Variants in MAJIN observed in about 807,000 individuals in gnomAD.
MAJIN encodes membrane anchored junction protein, also known as membrane-anchored junction protein.
A neutral mutation model predicts 30.2 loss-of-function variants in MAJIN; 27 were observed. The observed-to-expected ratio is 0.89, with a 90% confidence interval of 0.66 to 1.23. The LOEUF (loss-of-function observed/expected upper bound fraction) is 1.23. MAJIN is among the 50% of genes most tolerant of loss of function. The pLI is 0.00. For synonymous variants in MAJIN, 78 were observed against 91.6 expected, an observed-to-expected ratio of 0.85 and a Z score of 0.85; for missense variants, 253 against 260.3, an observed-to-expected ratio of 0.97 and a Z score of 0.19.
intron 4 of MAJIN, 89 bp from the exon 5 acceptor site, chr11:64,950,519 C>T: frequency 2.7e-6 from 3 of 1,105,864 alleles, no homozygotes; most frequent in Non-Finnish European, 2.7e-6. Flanking sequence ...ATACCCTATA[C>T]ACTATCAAAA....
rs199543273 is a variant in MAJIN at position 64,950,424 on chromosome 11, C to G, written c.154G>C (p.Val52Leu). 2 of 1,612,508 alleles carry G rather than the reference C, an allele frequency of 1.2e-6. No individual in the cohort carries two copies. Among genetic ancestry groups the G allele is most frequent in the Admixed American group, 3.3e-5 (2 of 59,898 alleles). The change falls in exon 5 of 11, where the codon GTC becomes CTC. Residue 52 changes from valine (V) to leucine (L), a missense_variant. By Grantham distance (32) the Val-to-Leu change is conservative. Coordinates refer to ENST00000301896, the MANE Select transcript of MAJIN (RefSeq NM_001037225.3). ...EVITQELEDS[V>L]RVVLGNLDNL... ...TCCAAGTTTCCCAAGACCACGCGGA[C>G]AGAATCCTGAAAAACATATTTGAAA...
chr11:64,958,598 GAAA>G (rs202169389), intron 3 of MAJIN, among the ~76,000 whole-genome samples: 2 of 102,550 alleles, frequency 2.0e-5, no homozygotes, highest in Non-Finnish European at 1.8e-5. Flanking sequence ...TGTCTTGGGA[GAAA>G]AAAAAAAAAA....
chr11:64,952,708 T>A (rs187792355), intron 4 of MAJIN, among the ~76,000 whole-genome samples: 17 of 152,256 alleles, frequency 1.1e-4, no homozygotes, highest in Admixed American at 1.1e-3. Flanking sequence ...GTAAATGTTT[T>A]CTTTTTTTGT....
chr11:64,955,927 G>C (rs1232642782), intron 3 of MAJIN, among the ~76,000 whole-genome samples: 1 of 152,174 alleles, frequency 6.6e-6, no homozygotes, highest in African/African-American at 2.4e-5. Context: ...GGCGCTTTGG[G>C]AGGCCAAGGC....
intron 1 of MAJIN, among the ~76,000 whole-genome samples, chr11:64,968,188 G>A (rs1945842029): frequency 1.3e-5 from 2 of 152,158 alleles, no homozygotes; most frequent in African/African-American, 4.8e-5. Context: ...GTAGGCCATT[G>A]TAAAAAGTCC....
Position 64,959,423 on chromosome 11 carries a change from C to G in MAJIN, c.-17-1G>C. The G allele has an allele frequency of 6.3e-7, 1 of 1,596,214 alleles. No homozygotes were observed. On this transcript the variant is annotated splice_acceptor_variant, in intron 2 of 10. Transcript: ENST00000301896. LOFTEE classifies it low-confidence loss of function (5UTR_SPLICE). ...AAACTCATTGCTCCCAAACGATAGC[C>G]TAAATAAAATAGAAAGAGAATTACT...
At chr11:64,968,436 A>G (rs1945845519) in intron 1 of MAJIN, among the ~76,000 whole-genome samples, 3 of 151,860 alleles carry the variant, frequency 2.0e-5, no homozygotes, top group Admixed American at 2.0e-4. Flanking sequence ...ATACCCAGCT[A>G]ATTTTTGCAG....
At position 64,972,007 on chromosome 11, in the gene MAJIN, A is replaced by G. The variant is rs1417381139; in HGVS notation, c.-195T>C. 1 of 152,200 alleles carries G rather than the reference A, an allele frequency of 6.6e-6. No homozygotes were observed. Among genetic ancestry groups the G allele is most frequent in the Non-Finnish European group, 1.5e-5 (1 of 68,036 alleles). 9.4% of individuals were successfully genotyped at this position (152,200 alleles called of 1,614,324 possible). On this transcript the variant is annotated 5_prime_UTR_variant, in exon 1 of 11. Coordinates refer to ENST00000301896, the MANE Select transcript of MAJIN (RefSeq NM_001037225.3). The stretch of plus-strand genomic sequence containing the variant: ...GTGCTCTCTGAAAAAGGCGGGCGCC[A>G]ACCTCGAACGAAGTCGTTTTGAGGG...
intron 8 of MAJIN, 94 bp from the exon 9 acceptor site, chr11:64,940,740 G>T: frequency 8.9e-7 from 1 of 1,122,284 alleles, no homozygotes; most frequent in Non-Finnish European, 1.3e-6. Flanking sequence ...TTTCATATCA[G>T]CACTGGGGCC....
At chr11:64,956,773 T>TA (rs1191936787) in intron 3 of MAJIN, among the ~76,000 whole-genome samples, 1 of 148,260 alleles carries the variant, frequency 6.7e-6, no homozygotes, top group African/African-American at 2.5e-5. Flanking sequence ...GTTTTTTTTT[T>TA]TTTTTTTTTT....
rs1337023990 is a variant in MAJIN, at chr11:64,947,787, C to T, written c.381+1G>A. ...ATTTTGTACAGAAAAGGCAAACTTACCAACCCAAGAGGACTGTCACTTATT... is the reference window on the plus strand; with the variant it reads ...ATTTTGTACAGAAAAGGCAAACTTATCAACCCAAGAGGACTGTCACTTATT... On this transcript the variant is annotated splice_donor_variant, in intron 7 of 10. Coordinates refer to ENST00000301896, the MANE Select transcript of MAJIN (RefSeq NM_001037225.3). LOFTEE classifies it high-confidence loss of function. 2 of 1,612,996 alleles carry T rather than the reference C, an allele frequency of 1.2e-6. No homozygotes were observed. Among genetic ancestry groups the T allele is most frequent in the African/African-American group, 2.7e-5 (2 of 74,812 alleles).
chr11:64,951,778 A>C (rs991225157), intron 4 of MAJIN, among the ~76,000 whole-genome samples: 64 of 152,206 alleles, frequency 4.2e-4, no homozygotes, highest in Admixed American at 3.9e-3. Flanking sequence ...AAAAAAAAAA[A>C]AAAAAAAAGA....
chr11:64,968,381 C>T (rs1403252258), intron 1 of MAJIN, among the ~76,000 whole-genome samples: 2 of 152,030 alleles, frequency 1.3e-5, no homozygotes, highest in African/African-American at 2.4e-5. Context: ...AGCAATCCTC[C>T]CACCTCAGCC....
intron 1 of MAJIN, among the ~76,000 whole-genome samples, chr11:64,966,206 A>G (rs240569): frequency 0.53 from 77,173 of 145,754 alleles, 22,271 homozygotes; most frequent in Non-Finnish European, 0.67. Context: ...ATGATGGAGA[A>G]AATATCCTTA....
At chr11:64,966,156 A>AAAAAAAAAAAAAAAAAAC in intron 1 of MAJIN, among the ~76,000 whole-genome samples, 2 of 149,490 alleles carry the variant, frequency 1.3e-5, no homozygotes, top group Non-Finnish European at 1.5e-5. Context: ...AAAAAAAAAA[A>AAAAAAAAAAAAAAAAAAC]AAAAAAAAAG....
chr11:64,947,350 A>C, intron 8 of MAJIN, 24 bp downstream of exon 8: 1 of 1,590,066 alleles, frequency 6.3e-7, no homozygotes, highest in Non-Finnish European at 8.6e-7. Flanking sequence ...CGCAGGAGCG[A>C]GCCTCTCTCC....
intron 8 of MAJIN, among the ~76,000 whole-genome samples, chr11:64,941,517 C>T (rs150214093): frequency 6.8e-4 from 104 of 152,152 alleles, no homozygotes; most frequent in African/African-American, 2.3e-3. Flanking sequence ...ATCAGCCGGG[C>T]GTGGTGGCAG....
At chr11:64,957,441 T>C (rs1414565671) in intron 3 of MAJIN, among the ~76,000 whole-genome samples, 2 of 152,176 alleles carry the variant, frequency 1.3e-5, no homozygotes, top group Non-Finnish European at 2.9e-5. Flanking sequence ...AGTCTCACTC[T>C]GTTGCACAGG....
chr11:64,956,446 A>C (rs1590701221), intron 3 of MAJIN, among the ~76,000 whole-genome samples: 1 of 152,078 alleles, frequency 6.6e-6, no homozygotes, highest in East Asian at 1.9e-4. Context: ...CCAAGATCGC[A>C]CCATTGCACT....
Sources: allele counts gnomAD v4.1 joint callset (sites outside exome capture counted in the v4.1 genomes callset), GRCh38; gene constraint gnomAD v4.1.1; transcripts MANE v1.5; gene names NCBI Gene and HGNC (gene_info 2026-07-23, HGNC 2026-07-21).